Variants in LIPJ observed in about 807,000 individuals in gnomAD.
LIPJ encodes the protein lipase family member J, also known as lipase member J.
Under a neutral mutation model 39.8 loss-of-function variants are expected in LIPJ, and 33 were observed. That is an observed-to-expected ratio of 0.83 (90% CI 0.63 to 1.11). The LOEUF (loss-of-function observed/expected upper bound fraction) is 1.11. Among genes scored for constraint, LIPJ ranks in the 50% least tolerant of loss-of-function variants. LIPJ has a pLI of 0.00. For missense variants in LIPJ, 422 were observed against 427.9 expected, an observed-to-expected ratio of 0.99 and a Z score of 0.12; for synonymous variants, 128 against 139.2, an observed-to-expected ratio of 0.92 and a Z score of 0.57.
At chr10:88,613,800 A>ATATATATATATATATGTGTG in the LIPJ span, among the ~76,000 whole-genome samples, 879 of 73,586 alleles carry the variant, frequency 0.012, 18 homozygotes, top group Non-Finnish European at 0.017. Context: ...ATATATATAT[A>ATATATATATATATATGTGTG]TGTGTGTGTG....
chr10:88,599,635 C>T (rs1851396488), intron 8 of LIPJ, among the ~76,000 whole-genome samples: 2 of 151,640 alleles, frequency 1.3e-5, no homozygotes, highest in South Asian at 2.1e-4. Flanking sequence ...TAATATTCCA[C>T]AGTGTGTATG....
At chr10:88,608,126 T>C (rs1189164997), downstream of LIPJ, among the ~76,000 whole-genome samples, 1 of 152,170 alleles carries the variant, frequency 6.6e-6, no homozygotes, top group Non-Finnish European at 1.5e-5. Flanking sequence ...CAAAGCCTAA[T>C]GAACCTGAAG....
intron 3 of LIPJ, 23 bp downstream of exon 3, chr10:88,590,719 T>C (rs757381494): frequency 1.7e-5 from 27 of 1,575,530 alleles, no homozygotes; most frequent in Non-Finnish European, 2.2e-5. Flanking sequence ...AAAATAAATC[T>C]GGACTGCTGA....
chr10:88,606,812 A>C (rs774018558), exon 11 of LIPJ: 1 of 1,612,434 alleles, frequency 6.2e-7, no homozygotes, highest in Non-Finnish European at 8.5e-7. Context: ...TTATAAAACT[A>C]TTTCTTACTA....
intron 5 of LIPJ, 89 bp from the exon 6 acceptor site, chr10:88,594,578 G>A: frequency 1.8e-6 from 1 of 562,022 alleles, no homozygotes; most frequent in South Asian, 3.6e-5. Context: ...GTAGAAAATT[G>A]CCTTTATTCA....
chr10:88,615,627 CAA>C, the LIPJ span, among the ~76,000 whole-genome samples: 18 of 24,232 alleles, frequency 7.4e-4, no homozygotes, highest in African/African-American at 2.5e-3. Context: ...GACTCCACCT[CAA>C]AAAAAAAAAA....
exon 11 of LIPJ, chr10:88,606,723 T>A (rs2134589470): frequency 6.2e-7 from 1 of 1,613,586 alleles, no homozygotes; most frequent in Middle Eastern, 1.7e-4. Flanking sequence ...GCAACTGCAA[T>A]TTGGAATGGT....
intron 9 of LIPJ, among the ~76,000 whole-genome samples, chr10:88,604,638 C>G (rs903671726): frequency 9.2e-5 from 14 of 151,980 alleles, no homozygotes; most frequent in African/African-American, 3.4e-4. Context: ...TTCTAAAGTT[C>G]CTGACTTATG....
rs1851045679 is a variant in LIPJ, at chr10:88,590,582, T to C, written c.-103-3T>C. On this transcript the variant is annotated splice_polypyrimidine_tract_variant and splice_region_variant and intron_variant, in intron 2 of 10. Coordinates refer to ENST00000371939, the Ensembl canonical transcript of LIPJ. Reference sequence around the variant, plus strand: ...TGTATAAACATCTCCCTTTTATATATAGGTCCCAAACGTGGTATCTTTTCA... The same window carrying C: ...TGTATAAACATCTCCCTTTTATATACAGGTCCCAAACGTGGTATCTTTTCA... 1.2e-6 allele frequency: 1 copy of C among 853,392 alleles called. No homozygotes were observed. Among genetic ancestry groups the C allele is most frequent in the Non-Finnish European group, 2.0e-6 (1 of 503,732 alleles). The allele number at this position is 853,392 out of a possible 1,614,324, so 52.9% of individuals were successfully genotyped here.
exon 7 of LIPJ, chr10:88,596,298 C>T (rs1851253723): frequency 6.8e-7 from 1 of 1,478,186 alleles, no homozygotes; most frequent in East Asian, 2.4e-5. Context: ...ACATTTTCTA[C>T]TATATCAAAG....
At chr10:88,589,619 G>C (rs777334946) in intron 2 of LIPJ, among the ~76,000 whole-genome samples, 3 of 150,308 alleles carry the variant, frequency 2.0e-5, no homozygotes, top group African/African-American at 7.3e-5. Context: ...TTTTTCAAGC[G>C]GTCAGTGCAC....
downstream of LIPJ, among the ~76,000 whole-genome samples, chr10:88,609,943 G>A (rs528515422): frequency 4.7e-5 from 7 of 150,226 alleles, no homozygotes; most frequent in East Asian, 2.0e-4. Flanking sequence ...GTGAGAGGGT[G>A]CTGTATGTAT....
chr10:88,583,389 G>C (rs1352221862), upstream of LIPJ: 1 of 1,385,482 alleles, frequency 7.2e-7, no homozygotes, highest in East Asian at 2.8e-5. Context: ...CTCCGTCCTT[G>C]AGGAGCAAAC....
chr10:88,601,980 C>A (rs995588015), intron 8 of LIPJ, among the ~76,000 whole-genome samples: 1 of 152,138 alleles, frequency 6.6e-6, no homozygotes, highest in Non-Finnish European at 1.5e-5. Context: ...ACTATCTAGG[C>A]AATGCAAACA....
At chr10:88,611,322 A>G (rs573331201), downstream of LIPJ, among the ~76,000 whole-genome samples, 3 of 152,366 alleles carry the variant, frequency 2.0e-5, no homozygotes, top group Admixed American at 2.0e-4. Context: ...AGAGGGAACC[A>G]GAAAAACAAT....
chr10:88,615,627 C>CAAAAAAAAAAAAA, the LIPJ span, among the ~76,000 whole-genome samples: 12 of 24,228 alleles, frequency 5.0e-4, no homozygotes, highest in East Asian at 1.5e-3. Flanking sequence ...GACTCCACCT[C>CAAAAAAAAAAAAA]AAAAAAAAAA....
upstream of LIPJ, chr10:88,583,103 G>C (rs767684921): frequency 6.2e-7 from 1 of 1,613,944 alleles, no homozygotes; most frequent in East Asian, 2.2e-5. Context: ...CACACAGCAA[G>C]GTACAAGGGA....
intron 8 of LIPJ, among the ~76,000 whole-genome samples, chr10:88,599,873 AT>A (rs1368407469): frequency 6.6e-5 from 10 of 151,632 alleles, no homozygotes; most frequent in African/African-American, 2.2e-4. Flanking sequence ...GAATTACAGT[AT>A]TTAGTAAATT....
At chr10:88,610,814 T>C (rs986133090), downstream of LIPJ, among the ~76,000 whole-genome samples, 3 of 152,316 alleles carry the variant, frequency 2.0e-5, no homozygotes, top group South Asian at 6.2e-4. Flanking sequence ...GACAGCATAA[T>C]TTTAAAAAAG....
Sources: gnomAD v4.1 joint callset for allele counts (sites outside exome capture counted in the v4.1 genomes callset) on GRCh38, gnomAD v4.1.1 for gene constraint, MANE v1.5 for transcripts, NCBI Gene and HGNC (gene_info 2026-07-23, HGNC 2026-07-21) for gene names.